The following KANSL1 variants were observed in gnomAD, a reference collection of about 807,000 sequenced individuals.
The protein encoded by KANSL1 is KAT8 regulatory NSL complex subunit 1.
Under a neutral mutation model 103.6 loss-of-function variants are expected in KANSL1, and 22 were observed. The ratio of observed to expected loss-of-function variants is 0.21; its 90% confidence interval spans 0.15 to 0.30. The LOEUF is 0.30. Among genes scored for constraint, KANSL1 ranks in the 10% least tolerant of loss-of-function variants. The pLI, the probability that KANSL1 is intolerant of heterozygous loss-of-function variation, is 1.00. For synonymous variants in KANSL1, 600 were observed against 527.6 expected (o/e 1.14, Z -1.88); for missense variants, 1,337 against 1,399.8 (o/e 0.96, Z 0.72).
rs993228102 is a variant in KANSL1 at position 46,058,790 on chromosome 17, C to A, written c.1848+7747G>T. 3.0e-4 allele frequency among the ~76,000 whole-genome samples: 37 copies of A among 122,356 alleles called. 1 individual carries two copies. In the South Asian group the frequency reaches 9.2e-3, roughly 30 times the overall value. 80.3% of individuals were successfully genotyped at this position (122,356 alleles called of 152,430 possible). A position where few individuals can be genotyped will look rare whatever the true frequency, so the allele number is the denominator to read the frequency against. ...TCTCTCTCTCTCTCTCTCTCTCTCT[C>A]TCAAAACATAAGAAAAATGCTGACA... On this transcript the variant is annotated intron_variant, in intron 6 of 14. Transcript: ENST00000432791.
chr17:46,181,633 C>T (rs545307189), intron 1 of KANSL1, among the ~76,000 whole-genome samples: 373 of 152,156 alleles, frequency 2.5e-3, no homozygotes, highest in Admixed American at 0.011. Flanking sequence ...GGTTTCACCA[C>T]GTTGGCCAGG....
intron 2 of KANSL1, among the ~76,000 whole-genome samples, chr17:46,123,291 C>G (rs2043367186): frequency 6.6e-6 from 1 of 152,192 alleles, no homozygotes; most frequent in Non-Finnish European, 1.5e-5. Context: ...GCAGGAGAAT[C>G]ACTTGAGCCC....
chr17:46,134,057 G>A (rs1462786626), intron 2 of KANSL1, among the ~76,000 whole-genome samples: 2 of 152,232 alleles, frequency 1.3e-5, no homozygotes, highest in Non-Finnish European at 2.9e-5. Context: ...GAAGGGTACA[G>A]TGGAATAAGC....
chr17:46,211,913 C>T (rs1477344315), intron 1 of KANSL1, among the ~76,000 whole-genome samples: 3 of 152,196 alleles, frequency 2.0e-5, no homozygotes, highest in Non-Finnish European at 4.4e-5. Flanking sequence ...TGCTATCAGA[C>T]GTGAGGCCCT....
Position 46,171,096 on chromosome 17 carries a change from C to A in KANSL1, c.1048G>T (p.Ala350Ser), listed in dbSNP as rs767594600. 1 of 1,614,172 alleles carries A rather than the reference C, an allele frequency of 6.2e-7. No individual in the cohort carries two copies. Among genetic ancestry groups the A allele is most frequent in the Non-Finnish European group, 8.5e-7 (1 of 1,180,038 alleles). The change falls in exon 2 of 15, where the codon GCT (alanine) becomes TCT (serine). Residue 350 changes from alanine (A) to serine (S), a missense_variant. This residue lies in a region of KANSL1 where 557 missense variants were observed against 476.4 expected (regional missense o/e 1.17). Coordinates refer to ENST00000432791, the MANE Select transcript of KANSL1 (RefSeq NM_015443.4). ...PRSQLMLTRK[A>S]EAALRKAASE... ...GCAGCTTTTCTCAAGGCAGCTTCAGCCTTTCGAGTCAGCATCAACTGGCTC... is the reference window on the plus strand; with the variant it reads ...GCAGCTTTTCTCAAGGCAGCTTCAGACTTTCGAGTCAGCATCAACTGGCTC...
chr17:46,056,968 T>C (rs1427493713), intron 6 of KANSL1, among the ~76,000 whole-genome samples: 3 of 152,224 alleles, frequency 2.0e-5, no homozygotes, highest in African/African-American at 7.2e-5. Flanking sequence ...TATTGCCAAA[T>C]GTCTCCTGTG....
intron 6 of KANSL1, among the ~76,000 whole-genome samples, chr17:46,054,336 G>GA (rs1419699561): frequency 6.6e-6 from 1 of 152,190 alleles, no homozygotes; most frequent in Non-Finnish European, 1.5e-5. Context: ...TTACAGGCGT[G>GA]AGCCATCGCG....
At chr17:46,093,327 G>GT (rs1369951348) in intron 3 of KANSL1, 3 of 152,598 alleles carry the variant, frequency 2.0e-5, no homozygotes, top group Admixed American at 6.5e-5. Context: ...AATCTAGAAT[G>GT]TTTATTAGTT....
In KANSL1 at chr17:46,039,822, C is replaced by T; in HGVS notation, c.2083G>A (p.Asp695Asn). 1 of 1,614,134 alleles carries T rather than the reference C, an allele frequency of 6.2e-7. No individual in the cohort carries two copies. The highest frequency in any genetic ancestry group is 8.5e-7 in the Non-Finnish European group (1 of 1,180,030). The change falls in exon 8 of 15, where the codon GAC becomes AAC. Residue 695 changes from aspartate (D) to asparagine (N), a missense_variant. By Grantham distance (23) the Asp-to-Asn change is conservative (BLOSUM62 1). This residue lies in a region of KANSL1 where 780 missense variants were observed against 923.4 expected (regional missense o/e 0.84). Coordinates refer to ENST00000432791, the MANE Select transcript of KANSL1 (RefSeq NM_015443.4). The stretch of plus-strand genomic sequence containing the variant: ...AACTTTTTGGGAGGTTTGATTTTGT[C>T]AAAAGGCTTGTTCTGCCACTGAGAT... ...LKSQWQNKPFDKIKPPKKLSL... is the reference protein window; with the variant it reads ...LKSQWQNKPFNKIKPPKKLSL...
At chr17:46,065,563 A>G (rs1301759037) in intron 6 of KANSL1, among the ~76,000 whole-genome samples, 1 of 152,128 alleles carries the variant, frequency 6.6e-6, no homozygotes, top group Non-Finnish European at 1.5e-5. Context: ...AAACAACCCT[A>G]TGAGATCTCT....
chr17:46,188,727 ACT>A (rs1288526697), intron 1 of KANSL1, among the ~76,000 whole-genome samples: 2 of 151,890 alleles, frequency 1.3e-5, no homozygotes, highest in African/African-American at 2.4e-5. Flanking sequence ...CTGCTTTAAA[ACT>A]CTAAATAAGA....
intron 1 of KANSL1, among the ~76,000 whole-genome samples, chr17:46,183,843 G>A (rs993360339): frequency 2.0e-5 from 3 of 152,282 alleles, no homozygotes; most frequent in East Asian, 1.9e-4. Context: ...AATCTGGGAG[G>A]CAGCGGCTGC....
At chr17:46,132,899 T>A (rs1375643685) in intron 2 of KANSL1, among the ~76,000 whole-genome samples, 1 of 152,154 alleles carries the variant, frequency 6.6e-6, no homozygotes, top group African/African-American at 2.4e-5. Context: ...GCCATCATCA[T>A]ACCACTGGAC....
intron 2 of KANSL1, among the ~76,000 whole-genome samples, chr17:46,129,474 G>A (rs985818802): frequency 1.2e-4 from 18 of 152,166 alleles, no homozygotes; most frequent in African/African-American, 4.1e-4. Context: ...GTGCTTTGTC[G>A]TGAGTTACAA....
chr17:46,033,455 C>T lies in KANSL1; in HGVS notation c.2672G>A (p.Arg891Gln), dbSNP rs1185774584. Residue 891 changes from arginine to glutamine, a missense_variant, in exon 12 of 15, where the codon CGG (arginine) becomes CAG (glutamine). Transcript: ENST00000432791. ...QYKEILTPSW[R>Q]EVDLQSLKGS... ...CTTCAGAGACTGAAGATCAACCTCCCGCCAGCTGCAAAACCAAGAACAGAC... is the reference window on the plus strand; with the variant it reads ...CTTCAGAGACTGAAGATCAACCTCCTGCCAGCTGCAAAACCAAGAACAGAC... 1.2e-6 allele frequency: 2 copies of T among 1,614,118 alleles called. No homozygotes were observed. Among genetic ancestry groups the T allele is most frequent in the Non-Finnish European group, 1.7e-6 (2 of 1,179,996 alleles).
intron 10 of KANSL1, among the ~76,000 whole-genome samples, chr17:46,036,594 ATAC>A (rs745404076): frequency 6.6e-6 from 1 of 152,246 alleles, no homozygotes; most frequent in Non-Finnish European, 1.5e-5. Context: ...TTATATGCAA[ATAC>A]TATGCCATTT....
chr17:46,144,140 C>T (rs953947108), intron 2 of KANSL1, among the ~76,000 whole-genome samples: 2 of 152,144 alleles, frequency 1.3e-5, no homozygotes, highest in African/African-American at 4.8e-5. Flanking sequence ...TATAACTATA[C>T]TACTACTATC....
intron 1 of KANSL1, among the ~76,000 whole-genome samples, chr17:46,174,467 G>C (rs764686475): frequency 6.6e-6 from 1 of 152,214 alleles, no homozygotes; most frequent in Non-Finnish European, 1.5e-5. Context: ...ACAGGCCTAA[G>C]CTGCCACATT....
chr17:46,172,246 G>A lies in KANSL1; in HGVS notation c.-89-14C>T. 8 of 1,120,906 alleles carry A rather than the reference G, an allele frequency of 7.1e-6. No individual in the cohort carries two copies. The highest frequency in any genetic ancestry group is 9.9e-6 in the Non-Finnish European group (8 of 808,846). The allele number at this position is 1,120,906 out of a possible 1,614,324, so 69.4% of individuals were successfully genotyped here. On this transcript the variant is annotated splice_polypyrimidine_tract_variant and intron_variant, in intron 1 of 14. Transcript: ENST00000432791. ...CCAGAGAACAGACTAGAAGAGAAAG[G>A]AGAAAAGAATATTAGAAATACAAGC...
Sources: gnomAD v4.1 joint callset for allele counts (sites outside exome capture counted in the v4.1 genomes callset) on GRCh38, gnomAD v4.1.1 for gene constraint, gnomAD v4.1.1 regional missense constraint, MANE v1.5 for transcripts, NCBI Gene and HGNC (gene_info 2026-07-23, HGNC 2026-07-21) for gene names.